FSTL5: variants seen among roughly 807,000 people sequenced by gnomAD.
FSTL5 encodes follistatin-related protein 5.
Under a neutral mutation model 89.1 loss-of-function variants are expected in FSTL5, and 62 were observed. That is an observed-to-expected ratio of 0.70 (90% confidence interval 0.57 to 0.86). The LOEUF (loss-of-function observed/expected upper bound fraction) is 0.86. Among genes scored for constraint, FSTL5 ranks in the 40% least tolerant of loss-of-function variants. The pLI, the probability that FSTL5 is intolerant of heterozygous loss-of-function variation, is 0.00. For missense variants in FSTL5, 1,057 were observed against 1,001.6 expected, an observed-to-expected ratio of 1.06 and a Z score of -0.75; for synonymous variants, 383 against 346.2, an observed-to-expected ratio of 1.11 and a Z score of -1.18.
intron 1 of FSTL5, among the ~76,000 whole-genome samples, chr4:162,155,676 T>C (rs1261665116): frequency 6.6e-6 from 1 of 152,200 alleles, no homozygotes; most frequent in Non-Finnish European, 1.5e-5. Context: ...TCTTAAACTA[T>C]AAGAACTTTT....
chr4:161,824,607 T>A (rs771198605), intron 4 of FSTL5, among the ~76,000 whole-genome samples: 2 of 152,212 alleles, frequency 1.3e-5, no homozygotes, highest in Non-Finnish European at 2.9e-5. Context: ...CATCTATGAT[T>A]TCTTTCAGCA....
intron 5 of FSTL5, among the ~76,000 whole-genome samples, chr4:161,761,820 G>C (rs1263015531): frequency 6.6e-6 from 1 of 152,086 alleles, no homozygotes; most frequent in Non-Finnish European, 1.5e-5. Flanking sequence ...CCATGCATAG[G>C]ACAAAGTAGA....
chr4:162,127,309 T>C (rs1579049282), intron 1 of FSTL5, among the ~76,000 whole-genome samples: 4 of 152,164 alleles, frequency 2.6e-5, no homozygotes. Context: ...TTTTATAGTT[T>C]ATGCTTTGTA....
At chr4:161,953,498 T>C (rs974949247) in intron 3 of FSTL5, among the ~76,000 whole-genome samples, 3 of 151,808 alleles carry the variant, frequency 2.0e-5, no homozygotes, top group East Asian at 1.9e-4. Context: ...AGATACATAA[T>C]AGAGATTGCT....
chr4:161,629,591 C>T (rs767788130), intron 7 of FSTL5, among the ~76,000 whole-genome samples: 14 of 152,190 alleles, frequency 9.2e-5, no homozygotes, highest in Admixed American at 5.9e-4. Flanking sequence ...GTAATCCACC[C>T]GCCTCGGCCT....
At chr4:161,872,149 T>TTG (rs1560892337) in intron 4 of FSTL5, among the ~76,000 whole-genome samples, 3 of 127,058 alleles carry the variant, frequency 2.4e-5, no homozygotes, top group Non-Finnish European at 5.1e-5. Context: ...TGGTTTTTTT[T>TTG]TTTTTTTTTG....
At chr4:161,627,122 T>C (rs1046894729) in intron 7 of FSTL5, among the ~76,000 whole-genome samples, 4 of 152,214 alleles carry the variant, frequency 2.6e-5, no homozygotes, top group African/African-American at 7.2e-5. Context: ...TTCTACTGTG[T>C]GTAAAACACT....
chr4:161,950,301 T>C (rs1461405038), intron 3 of FSTL5, among the ~76,000 whole-genome samples: 2 of 152,202 alleles, frequency 1.3e-5, no homozygotes, highest in African/African-American at 2.4e-5. Flanking sequence ...TTTTAATTCC[T>C]GAGGAATTCT....
chr4:161,696,786 G>A (rs1407456113), intron 6 of FSTL5, among the ~76,000 whole-genome samples: 1 of 152,150 alleles, frequency 6.6e-6, no homozygotes, highest in Non-Finnish European at 1.5e-5. Flanking sequence ...CTACTGATTT[G>A]TGTACATTAA....
At position 161,855,535 on chromosome 4, in the gene FSTL5, C is replaced by T. The variant is rs1360712395; in HGVS notation, c.409+64869G>A. On this transcript the variant is annotated intron_variant, in intron 4 of 15. Coordinates refer to ENST00000306100, the MANE Select transcript of FSTL5 (RefSeq NM_020116.5). Reference sequence around the variant, plus strand: ...CTATTAAGTATTCATTGTATCAATGCCAAAAATATAGGAAGTGCAGGAAAT... The same window carrying T: ...CTATTAAGTATTCATTGTATCAATGTCAAAAATATAGGAAGTGCAGGAAAT... Among the ~76,000 whole-genome samples the T allele has an allele frequency of 2.0e-5, 3 of 150,942 alleles. No homozygotes were observed. The Admixed American group carries it at 2.0e-4, about 10-fold the overall frequency.
chr4:161,464,010 T>C (rs983040534), intron 13 of FSTL5, among the ~76,000 whole-genome samples: 17 of 152,186 alleles, frequency 1.1e-4, no homozygotes, highest in Admixed American at 1.0e-3. Flanking sequence ...TTTCATTCTT[T>C]AAGCATCAGG....
intron 4 of FSTL5, among the ~76,000 whole-genome samples, chr4:161,787,934 A>G (rs1741961719): frequency 6.6e-6 from 1 of 152,208 alleles, no homozygotes; most frequent in South Asian, 2.1e-4. Context: ...ACTGAAAAGC[A>G]TACAACTTAT....
chr4:161,810,886 C>T (rs1730115968), intron 4 of FSTL5, among the ~76,000 whole-genome samples: 2 of 152,030 alleles, frequency 1.3e-5, no homozygotes, highest in Non-Finnish European at 2.9e-5. Flanking sequence ...GCAACCATAG[C>T]AACAAACAAA....
chr4:161,935,287 A>C (rs1321967585), intron 3 of FSTL5, among the ~76,000 whole-genome samples: 1 of 152,088 alleles, frequency 6.6e-6, no homozygotes, highest in Non-Finnish European at 1.5e-5. Context: ...TTTTGCTTTC[A>C]AGAGGATATT....
chr4:161,439,602 G>A (rs1056719464), intron 15 of FSTL5, among the ~76,000 whole-genome samples: 2 of 152,230 alleles, frequency 1.3e-5, no homozygotes, highest in South Asian at 4.1e-4. Flanking sequence ...ACTTAATTGT[G>A]ACTTATTTGT....
chr4:162,014,724 T>C (rs568064304), intron 3 of FSTL5, among the ~76,000 whole-genome samples: 1 of 152,160 alleles, frequency 6.6e-6, no homozygotes, highest in East Asian at 1.9e-4. Flanking sequence ...TCAGAACATA[T>C]TGACCCTAAA....
chr4:161,707,578 T>C (rs1019076918), intron 6 of FSTL5, among the ~76,000 whole-genome samples: 2 of 151,962 alleles, frequency 1.3e-5, no homozygotes, highest in African/African-American at 2.4e-5. Flanking sequence ...TGAAGGCATT[T>C]AACATGTCTA....
rs185439859 is a variant in FSTL5 at position 161,421,818 on chromosome 4, G to A, written c.1841+33186C>T. 4.6e-4 allele frequency among the ~76,000 whole-genome samples: 70 copies of A among 152,186 alleles called. No homozygotes were observed. In the East Asian group the frequency reaches 0.01, roughly 22 times the overall value. Reference sequence around the variant, plus strand: ...GCTGGGGCATTGGTTTTCTACTGCCGTAAATGCTCTTGATTCTCAAATCTT... The same window carrying A: ...GCTGGGGCATTGGTTTTCTACTGCCATAAATGCTCTTGATTCTCAAATCTT... On this transcript the variant is annotated intron_variant, in intron 15 of 15. Transcript: ENST00000306100.
intron 1 of FSTL5, among the ~76,000 whole-genome samples, chr4:162,124,817 A>T (rs1732011183): frequency 6.6e-6 from 1 of 152,088 alleles, no homozygotes; most frequent in South Asian, 2.1e-4. Context: ...CTCCTGCCTC[A>T]GCCTCCAGAG....
Sources: gnomAD v4.1 joint callset for allele counts (sites outside exome capture counted in the v4.1 genomes callset) on GRCh38, gnomAD v4.1.1 for gene constraint, MANE v1.5 for transcripts, NCBI Gene and HGNC (gene_info 2026-07-23, HGNC 2026-07-21) for gene names.